TMTC1: variants seen among roughly 807,000 people sequenced by gnomAD.
The protein encoded by TMTC1 is transmembrane O-mannosyltransferase targeting cadherins 1.
Under a neutral mutation model 104.8 loss-of-function variants are expected in TMTC1, and 73 were observed. That is an observed-to-expected ratio of 0.70 (90% CI 0.58 to 0.85). TMTC1 has a LOEUF of 0.85. Among genes scored for constraint, TMTC1 ranks in the 40% least tolerant of loss-of-function variants. The pLI is 0.00. For synonymous variants in TMTC1, 434 were observed against 428.7 expected (o/e 1.01, Z -0.15); for missense variants, 1,035 against 1,096.1 (o/e 0.94, Z 0.79).
At chr12:29,594,359 T>C (rs1489440965) in intron 7 of TMTC1, among the ~76,000 whole-genome samples, 4 of 152,262 alleles carry the variant, frequency 2.6e-5, no homozygotes, top group Non-Finnish European at 4.4e-5. Context: ...TCCTCTCCTC[T>C]AGTCCCATGA....
At chr12:29,709,672 G>C (rs1349710297) in intron 5 of TMTC1, among the ~76,000 whole-genome samples, 1 of 152,136 alleles carries the variant, frequency 6.6e-6, no homozygotes, top group African/African-American at 2.4e-5. Context: ...CTTCTTTCCT[G>C]GGTAGGAACA....
At chr12:29,623,828 A>AATAAATT (rs1311422962) in intron 6 of TMTC1, among the ~76,000 whole-genome samples, 21 of 146,266 alleles carry the variant, frequency 1.4e-4, no homozygotes, top group African/African-American at 5.6e-4. Flanking sequence ...TAAATAAATA[A>AATAAATT]ATTAAATTAA....
At chr12:29,620,780 C>T (rs909534276) in intron 6 of TMTC1, among the ~76,000 whole-genome samples, 1 of 152,210 alleles carries the variant, frequency 6.6e-6, no homozygotes, top group Admixed American at 6.5e-5. Flanking sequence ...CTGTGACCCA[C>T]ATAGCAGAAC....
intron 7 of TMTC1, among the ~76,000 whole-genome samples, chr12:29,600,649 T>A (rs1053110128): frequency 6.6e-6 from 1 of 152,184 alleles, no homozygotes; most frequent in African/African-American, 2.4e-5. Flanking sequence ...GAAATCCAAG[T>A]TAAACTCTCA....
intron 6 of TMTC1, among the ~76,000 whole-genome samples, chr12:29,624,641 C>T (rs965669288): frequency 3.3e-5 from 5 of 152,192 alleles, no homozygotes; most frequent in Non-Finnish European, 7.3e-5. Flanking sequence ...AGCCACATGG[C>T]TCACCCTTGC....
intron 6 of TMTC1, among the ~76,000 whole-genome samples, chr12:29,616,976 T>C (rs1946998029): frequency 6.6e-6 from 1 of 152,150 alleles, no homozygotes; most frequent in Non-Finnish European, 1.5e-5. Flanking sequence ...CTCTATACTC[T>C]TAATATTGTT....
chr12:29,735,147 T>A (rs1175980969), intron 5 of TMTC1, among the ~76,000 whole-genome samples: 1 of 152,208 alleles, frequency 6.6e-6, no homozygotes, highest in Admixed American at 6.5e-5. Context: ...TAGACCTGCA[T>A]GAAGACACAG....
rs1944015525 is a variant in TMTC1, at chr12:29,517,319, G to C, written c.2169+108C>G. 3 of 1,201,218 alleles carry C rather than the reference G, an allele frequency of 2.5e-6. No individual in the cohort carries two copies. The Admixed American group carries it at 6.3e-5, about 25-fold the overall frequency. 74.4% of individuals were successfully genotyped at this position (1,201,218 alleles called of 1,614,324 possible). A position where few individuals can be genotyped will look rare whatever the true frequency, so the allele number is the denominator to read the frequency against. On this transcript the variant is annotated intron_variant, in intron 14 of 17. Transcript: ENST00000539277. ...TTAGCTGTATGAATATTCATACAGT[G>C]GATATATTACGGCATTCCAGCTCCA... is the stretch of plus-strand genomic sequence containing the variant.
intron 5 of TMTC1, among the ~76,000 whole-genome samples, chr12:29,704,727 G>A (rs915979653): frequency 1.3e-5 from 2 of 152,174 alleles, no homozygotes; most frequent in South Asian, 2.1e-4. Context: ...TGAAGAGTGT[G>A]CTGACAGCAC....
intron 7 of TMTC1, among the ~76,000 whole-genome samples, chr12:29,603,204 A>T (rs553847049): frequency 1.3e-5 from 2 of 152,310 alleles, no homozygotes; most frequent in East Asian, 1.9e-4. Context: ...CACATGCTGC[A>T]AAGTGTTAAG....
chr12:29,521,565 T>TA (rs1565642278), intron 11 of TMTC1, among the ~76,000 whole-genome samples: 13 of 49,340 alleles, frequency 2.6e-4, no homozygotes, highest in Admixed American at 1.4e-3. Flanking sequence ...TTTCTTTCTT[T>TA]CTTTTTTTTT....
chr12:29,759,798 G>C (rs959378072), intron 2 of TMTC1, among the ~76,000 whole-genome samples: 1 of 152,060 alleles, frequency 6.6e-6, no homozygotes, highest in African/African-American at 2.4e-5. Flanking sequence ...ACAGTCAAAA[G>C]GTCATAGAAG....
chr12:29,697,001 T>C (rs1001249571), intron 5 of TMTC1, among the ~76,000 whole-genome samples: 2 of 152,234 alleles, frequency 1.3e-5, no homozygotes, highest in Non-Finnish European at 2.9e-5. Context: ...GTGTACGGCA[T>C]CCTCATTCAC....
chr12:29,558,254 T>C (rs1035539872), intron 9 of TMTC1, among the ~76,000 whole-genome samples: 15 of 152,186 alleles, frequency 9.9e-5, no homozygotes, highest in Non-Finnish European at 1.6e-4. Flanking sequence ...TGGCTTTTAA[T>C]GTAGAAATGC....
intron 8 of TMTC1, among the ~76,000 whole-genome samples, 160 bp downstream of exon 8, chr12:29,583,247 T>G (rs762905645): frequency 1.6e-4 from 24 of 152,216 alleles, no homozygotes; most frequent in Non-Finnish European, 3.1e-4. Flanking sequence ...AAATCTAAAG[T>G]TAAAACCCCA....
intron 5 of TMTC1, among the ~76,000 whole-genome samples, chr12:29,672,654 T>A (rs985298480): frequency 6.6e-6 from 1 of 152,128 alleles, no homozygotes; most frequent in Non-Finnish European, 1.5e-5. Flanking sequence ...TCTCACCCCA[T>A]CCTCATTCAC....
chr12:29,749,849 A>G (rs1412720378), intron 5 of TMTC1, among the ~76,000 whole-genome samples: 2 of 151,880 alleles, frequency 1.3e-5, no homozygotes, highest in African/African-American at 4.8e-5. Flanking sequence ...TTAATTAGCG[A>G]GTCCTATTGG....
chr12:29,576,143 GA>G (rs1945816526), intron 8 of TMTC1, among the ~76,000 whole-genome samples: 1 of 152,120 alleles, frequency 6.6e-6, no homozygotes, highest in African/African-American at 2.4e-5. Context: ...ACATATTTTG[GA>G]TATTAACCCC....
Position 29,550,933 on chromosome 12 carries a change from CAAAAAAAAAAAAAAAAAAAA to C in TMTC1, c.1676+5904_1676+5923del, listed in dbSNP as rs200605964. Among the ~76,000 whole-genome samples the C allele has an allele frequency of 7.0e-4, 76 of 108,334 alleles. 4 individuals are homozygous for C. Among genetic ancestry groups the C allele is most frequent in the Middle Eastern group, 4.2e-3 (1 of 238 alleles). The allele number at this position is 108,334 out of a possible 152,430, so 71.1% of individuals were successfully genotyped here. On this transcript the variant is annotated intron_variant, in intron 10 of 17. Transcript: ENST00000539277. ...TGGGGGAGAGAGTGGGACTCCATCT[CAAAAAAAAAAAAAAAAAAAA>C]AAAAAAAAAAAAAAAAAAGAGCAGG...
Sources: allele counts gnomAD v4.1 joint callset (sites outside exome capture counted in the v4.1 genomes callset), GRCh38; gene constraint gnomAD v4.1.1; transcripts MANE v1.5; gene names NCBI Gene and HGNC (gene_info 2026-07-23, HGNC 2026-07-21).